Variants in CD276 observed in about 807,000 individuals in gnomAD.
CD276 encodes CD276 molecule.
In CD276, 34 loss-of-function variants were observed where a neutral mutation model predicts 50.0. That is an observed-to-expected ratio of 0.68 (90% CI 0.52 to 0.91). CD276 has a LOEUF of 0.91. Among genes scored for constraint, CD276 ranks in the 40% least tolerant of loss-of-function variants. The probability of loss-of-function intolerance (pLI) is 0.00; values close to 1 mark genes in which losing one functional copy is unlikely to be tolerated. For synonymous variants in CD276, 275 were observed against 313.0 expected, an observed-to-expected ratio of 0.88 and a Z score of 1.28; for missense variants, 634 against 717.5, an observed-to-expected ratio of 0.88 and a Z score of 1.33.
Position 73,713,022 on chromosome 15 carries a change from A to G in CD276, c.*66A>G. On this transcript the variant is annotated 3_prime_UTR_variant, in exon 10 of 10. Transcript: ENST00000318443. ...TACCCTCTGGCTGCAATGGGGCTGCACTGTGAGCCCTGCCCCCAACAGATG... is the reference window on the plus strand; with the variant it reads ...TACCCTCTGGCTGCAATGGGGCTGCGCTGTGAGCCCTGCCCCCAACAGATG... 6.8e-7 allele frequency: 1 copy of G among 1,478,642 alleles called. No homozygotes were observed. Among genetic ancestry groups the G allele is most frequent in the South Asian group, 1.2e-5 (1 of 86,376 alleles). 91.6% of individuals were successfully genotyped at this position (1,478,642 alleles called of 1,614,324 possible).
rs556281946 is a variant in CD276 at position 73,708,458 on chromosome 15, G to C, written c.1489G>C (p.Glu497Gln). Reference sequence around the variant, plus strand: ...CTGGAGAAAGATCAAACAGAGCTGTGAGGAGGAGAATGCAGGTGAGTGTGT... The same window carrying C: ...CTGGAGAAAGATCAAACAGAGCTGTCAGGAGGAGAATGCAGGTGAGTGTGT... ...VCWRKIKQSC[E>Q]EENAGAEDQD... Residue 497 changes from glutamate to glutamine, a missense_variant, in exon 7 of 10, where the codon GAG (glutamate) becomes CAG (glutamine). Coordinates refer to ENST00000318443, the MANE Select transcript of CD276 (RefSeq NM_001024736.2). The C allele has an allele frequency of 1.4e-5, 22 of 1,613,646 alleles. No individual in the cohort carries two copies. In the South Asian group the frequency reaches 2.1e-4, roughly 15 times the overall value.
intron 1 of CD276, chr15:73,690,681 T>C (rs969695049): frequency 1.1e-5 from 5 of 455,872 alleles, no homozygotes; most frequent in Non-Finnish European, 2.2e-5. Context: ...GCCCCACCTC[T>C]TAATACTGTT....
chr15:73,696,311 G>A (rs11852484), intron 1 of CD276, among the ~76,000 whole-genome samples: 53,387 of 151,954 alleles, frequency 0.35, 10,482 homozygotes, highest in Non-Finnish European at 0.44. Flanking sequence ...TGAGGCCTGC[G>A]TGGCTCCACG....
At chr15:73,686,794 T>C (rs2141529819) in intron 1 of CD276, among the ~76,000 whole-genome samples, 1 of 152,252 alleles carries the variant, frequency 6.6e-6, no homozygotes. Context: ...TTGGGGTCTG[T>C]GCAGAAAAAT....
intron 6 of CD276, among the ~76,000 whole-genome samples, chr15:73,706,064 G>A (rs1900639298): frequency 6.6e-6 from 1 of 152,032 alleles, no homozygotes; most frequent in Admixed American, 6.5e-5. Flanking sequence ...AGCCTGATCA[G>A]CATGGTGAAA....
In CD276 at chr15:73,687,729, G is replaced by C. The variant is rs1201445946; in HGVS notation, c.-55+3269G>C. 6.6e-6 allele frequency among the ~76,000 whole-genome samples: 1 copy of C among 152,180 alleles called. No homozygotes were observed. Among genetic ancestry groups the C allele is most frequent in the Non-Finnish European group, 1.5e-5 (1 of 68,038 alleles). ...TCCCTTTCTTTCTCTTTGTGGTCCA[G>C]AGAATGAATGCCTGCTCCACACACC... On this transcript the variant is annotated intron_variant, in intron 1 of 9. Coordinates refer to ENST00000318443, the MANE Select transcript of CD276 (RefSeq NM_001024736.2). This position sits in a 1 kb window ranked among gnomAD's most constrained non-coding sequence, Gnocchi z 4.0.
At chr15:73,686,732 G>C (rs1304080717) in intron 1 of CD276, among the ~76,000 whole-genome samples, 2 of 152,220 alleles carry the variant, frequency 1.3e-5, no homozygotes, top group Admixed American at 6.5e-5. Flanking sequence ...GAGACTCCTA[G>C]AAAATGTTGT....
In CD276 at chr15:73,703,653, C is replaced by T. The variant is rs573860800; in HGVS notation, c.734-6C>T. The T allele has an allele frequency of 1.0e-4, 163 of 1,602,042 alleles. 1 individual carries two copies. In the South Asian group the frequency reaches 1.5e-3, roughly 15 times the overall value. On this transcript the variant is annotated splice_region_variant and splice_polypyrimidine_tract_variant and intron_variant, in intron 4 of 9. Coordinates refer to ENST00000318443, the MANE Select transcript of CD276 (RefSeq NM_001024736.2). ...CACCACCCTGCCCCTCTGACCCCGC[C>T]CCCAGGAGCCGTGGAGGTCCAGGTC...
chr15:73,695,377 C>T (rs1900136854), intron 1 of CD276, among the ~76,000 whole-genome samples: 1 of 152,090 alleles, frequency 6.6e-6, no homozygotes, highest in South Asian at 2.1e-4. Flanking sequence ...CCTTTCCCAG[C>T]GCGGCTACCT....
chr15:73,712,215 G>A (rs1900932198), intron 9 of CD276: 1 of 151,394 alleles, frequency 6.6e-6, no homozygotes, highest in African/African-American at 2.4e-5. Flanking sequence ...ATGTGGCCTG[G>A]ATGGGCAAAC....
intron 6 of CD276, among the ~76,000 whole-genome samples, chr15:73,705,286 CTT>C (rs1900605527): frequency 6.6e-6 from 1 of 152,206 alleles, no homozygotes. Context: ...TGGTTCTCCT[CTT>C]GTCTTCTGAT....
At chr15:73,694,445 G>A (rs1900099978) in intron 1 of CD276, among the ~76,000 whole-genome samples, 1 of 151,756 alleles carries the variant, frequency 6.6e-6, no homozygotes, top group Admixed American at 6.5e-5. Context: ...AGGAGGGAAA[G>A]TAAGGGTGGG....
intron 6 of CD276, among the ~76,000 whole-genome samples, chr15:73,707,680 T>C (rs1900701950): frequency 1.3e-5 from 2 of 152,186 alleles, no homozygotes; most frequent in Non-Finnish European, 2.9e-5. Context: ...CCTTCCCCCA[T>C]CTTTTTTTGG....
chr15:73,690,905 C>T (rs911502641), intron 1 of CD276: 8 of 411,166 alleles, frequency 1.9e-5, no homozygotes, highest in Admixed American at 1.7e-4. Context: ...TATGGAGGAG[C>T]TGCGATCTTA....
intron 1 of CD276, among the ~76,000 whole-genome samples, chr15:73,695,818 T>G (rs1450134176): frequency 6.6e-6 from 1 of 152,244 alleles, no homozygotes; most frequent in East Asian, 1.9e-4. Context: ...TGACCCTTTT[T>G]GTCCCTTTGT....
chr15:73,702,895 G>T lies in CD276; in HGVS notation c.542G>T (p.Gly181Val). 2 of 1,614,060 alleles carry T rather than the reference G, an allele frequency of 1.2e-6. No individual in the cohort carries two copies. The highest frequency in any genetic ancestry group is 2.2e-5 in the East Asian group (1 of 44,868). ...GAGGCTGAGGTGTTCTGGCAGGATG[G>T]GCAGGGTGTGCCCCTGACTGGCAAC... ...YPEAEVFWQD[G>V]QGVPLTGNVT... Residue 181 changes from glycine to valine, a missense_variant, in exon 4 of 10, where the codon GGG (glycine) becomes GTG (valine). By Grantham distance (109) the Gly-to-Val change is moderately radical. Coordinates refer to ENST00000318443, the MANE Select transcript of CD276 (RefSeq NM_001024736.2).
At chr15:73,688,931 G>A (rs1275371107) in intron 1 of CD276, among the ~76,000 whole-genome samples, 3 of 152,174 alleles carry the variant, frequency 2.0e-5, no homozygotes, top group African/African-American at 7.2e-5. Flanking sequence ...GTGCAGTCTG[G>A]AAAGGCTTCT....
In CD276 at chr15:73,708,336, C is replaced by G. The variant is rs368475211; in HGVS notation, c.1370-3C>G. The G allele has an allele frequency of 1.9e-5, 30 of 1,613,644 alleles. No individual in the cohort carries two copies. Among genetic ancestry groups the G allele is most frequent in the Non-Finnish European group, 2.5e-5 (30 of 1,179,890 alleles). ...GTCTCACTGTTGCTACTTTTCCTCT[C>G]AGGGCAGCCTATGACATTCCCCCCA... On this transcript the variant is annotated splice_region_variant and splice_polypyrimidine_tract_variant and intron_variant, in intron 6 of 9. Transcript: ENST00000318443.
intron 2 of CD276, among the ~76,000 whole-genome samples, chr15:73,700,093 C>G (rs1484193891): frequency 6.6e-6 from 1 of 152,112 alleles, no homozygotes; most frequent in African/African-American, 2.4e-5. Context: ...GCTCTCCTAG[C>G]TCCCTTGTAT....
Sources: allele counts gnomAD v4.1 joint callset (sites outside exome capture counted in the v4.1 genomes callset), GRCh38; gene constraint gnomAD v4.1.1; non-coding constraint Gnocchi (gnomAD v3.1); transcripts MANE v1.5; gene names NCBI Gene and HGNC (gene_info 2026-07-23, HGNC 2026-07-21).